The following PAX2 variants were observed in gnomAD, a reference collection of about 807,000 sequenced individuals.
PAX2 encodes paired box protein Pax-2.
PAX2 carries 9 observed loss-of-function variants against 41.7 expected under a neutral mutation model. The ratio of observed to expected loss-of-function variants is 0.22; its 90% CI spans 0.13 to 0.38. The LOEUF is 0.38. Ranked by LOEUF, PAX2 falls within the 10% of genes least tolerant of loss-of-function variation. The pLI is 1.00. For missense variants in PAX2, 418 were observed against 531.6 expected (o/e 0.79, Z 2.10); for synonymous variants, 221 against 212.7 (o/e 1.04, Z -0.34).
Position 100,749,834 on chromosome 10 carries a change from G to C in PAX2, c.132G>C (p.Leu44=), listed in dbSNP as rs1845369396. ...TGGTGAGGCAGCGCATCGTGGAGCT[G>C]GCCCACCAGGGTGTGCGGCCCTGTG... ...PDVVRQRIVE[L]AHQGVRPCDI... The change falls in exon 2 of 10, where the codon CTG becomes CTC. Residue 44 remains leucine (L), a synonymous_variant. Transcript: ENST00000355243. The C allele has an allele frequency of 1.2e-6, 2 of 1,611,754 alleles. No homozygotes were observed. The highest frequency in any genetic ancestry group is 4.5e-5 in the East Asian group (2 of 44,840).
chr10:100,795,404 T>A (rs1847285725), intron 5 of PAX2, among the ~76,000 whole-genome samples: 1 of 152,146 alleles, frequency 6.6e-6, no homozygotes, highest in Non-Finnish European at 1.5e-5. Flanking sequence ...CATGAAGTCA[T>A]ATGATGAACG....
intron 3 of PAX2, among the ~76,000 whole-genome samples, chr10:100,751,491 G>A (rs1466098297): frequency 6.6e-6 from 1 of 152,224 alleles, no homozygotes; most frequent in Non-Finnish European, 1.5e-5. Flanking sequence ...GGAGTGCCAA[G>A]CAGGGAGGGA....
At chr10:100,747,938 T>A in intron 1 of PAX2, 4 of 970,762 alleles carry the variant, frequency 4.1e-6, no homozygotes, top group South Asian at 4.9e-5. Flanking sequence ...GGGCAGCCAC[T>A]TTGAAACCCA....
intron 3 of PAX2, among the ~76,000 whole-genome samples, chr10:100,769,677 T>TAAAA (rs1424077909): frequency 7.4e-6 from 1 of 135,504 alleles, no homozygotes; most frequent in Admixed American, 7.4e-5. Flanking sequence ...AATAAAAAAA[T>TAAAA]AAAAAACAAA....
rs750862671 is a variant in PAX2, at chr10:100,828,672, T to C, written c.*1053T>C. The stretch of plus-strand genomic sequence containing the variant: ...TCAATCTGCCGGTGGTAAGAACCGG[T>C]TCTGAGCTGGCGTCTGAGCTGCTGC... On this transcript the variant is annotated 3_prime_UTR_variant, in exon 10 of 10. Coordinates refer to ENST00000355243, the MANE Select transcript of PAX2 (RefSeq NM_000278.5). The surrounding 1 kb of genome is among the most constrained non-coding windows in gnomAD (Gnocchi z 6.5). 4.7e-5 allele frequency: 11 copies of C among 233,290 alleles called. No individual in the cohort carries two copies. Among genetic ancestry groups the C allele is most frequent in the Non-Finnish European group, 7.6e-5 (9 of 118,098 alleles). The allele number at this position is 233,290 out of a possible 1,614,324, so 14.5% of individuals were successfully genotyped here. A position where few individuals can be genotyped will look rare whatever the true frequency, so the allele number is the denominator to read the frequency against.
At chr10:100,742,738 G>A (rs1363305151), upstream of PAX2, among the ~76,000 whole-genome samples, 1 of 151,938 alleles carries the variant, frequency 6.6e-6, no homozygotes, top group Non-Finnish European at 1.5e-5. Context: ...ATTTAGAGGC[G>A]GACGGGAAAA....
intron 7 of PAX2, among the ~76,000 whole-genome samples, chr10:100,813,595 C>G (rs1240188155): frequency 6.6e-6 from 1 of 152,042 alleles, no homozygotes; most frequent in Non-Finnish European, 1.5e-5. Context: ...CCACACTGTC[C>G]GTGAAAGGCA....
At chr10:100,813,763 A>G (rs1156950188) in intron 7 of PAX2, among the ~76,000 whole-genome samples, 1 of 152,172 alleles carries the variant, frequency 6.6e-6, no homozygotes, top group Non-Finnish European at 1.5e-5. Flanking sequence ...CTTACATAAA[A>G]ATTTGTACAG....
chr10:100,756,313 G>A (rs112292259), intron 3 of PAX2, among the ~76,000 whole-genome samples: 2,656 of 152,258 alleles, frequency 0.017, 41 homozygotes, highest in Non-Finnish European at 0.028. Flanking sequence ...TCCAACAATA[G>A]CTACTCTGCA....
rs779199563 is a variant in PAX2 at position 100,781,385 on chromosome 10, T to C, written c.616+20T>C. The C allele has an allele frequency of 6.2e-6, 10 of 1,612,808 alleles. No individual in the cohort carries two copies. In the East Asian group the frequency reaches 1.8e-4, roughly 29 times the overall value. ...ATGAAGGTAGGGAGGAGGGAAGAGG[T>C]GTGGCTTCCCCTTCACATGCTTTGT... On this transcript the variant is annotated intron_variant, in intron 5 of 9. Transcript: ENST00000355243.
chr10:100,801,981 A>G (rs1339844559), intron 5 of PAX2, among the ~76,000 whole-genome samples: 1 of 152,226 alleles, frequency 6.6e-6, no homozygotes, highest in Non-Finnish European at 1.5e-5. Flanking sequence ...GAAGGATTAA[A>G]TGAGCTCTGT....
chr10:100,821,009 A>T (rs1445157186), intron 7 of PAX2, among the ~76,000 whole-genome samples: 1 of 152,096 alleles, frequency 6.6e-6, no homozygotes, highest in Non-Finnish European at 1.5e-5. Flanking sequence ...GTCTGTCTGC[A>T]CTCATGTTTT....
At chr10:100,778,233 C>G (rs1846471658) in intron 3 of PAX2, among the ~76,000 whole-genome samples, 1 of 152,222 alleles carries the variant, frequency 6.6e-6, no homozygotes, top group Non-Finnish European at 1.5e-5. Flanking sequence ...TTCCGCCATC[C>G]TCTGTGCCTC....
intron 1 of PAX2, chr10:100,749,282 G>A: frequency 2.0e-6 from 2 of 996,590 alleles, no homozygotes; most frequent in Non-Finnish European, 2.4e-6. Flanking sequence ...GAGCCTCGAC[G>A]CCCCCAAATC....
intron 5 of PAX2, among the ~76,000 whole-genome samples, chr10:100,804,814 C>G (rs1362942564): frequency 6.6e-6 from 1 of 152,182 alleles, no homozygotes; most frequent in African/African-American, 2.4e-5. Context: ...TGCATACATC[C>G]CGTAAGACTG....
rs1847720204 is a variant in PAX2 at position 100,805,023 on chromosome 10, T to TCTCTCTCTCTCTCTC, written c.617-1407_617-1406insCTCTCTCTCTCTCTC. Among the ~76,000 whole-genome samples, 46 of 95,018 alleles carry TCTCTCTCTCTCTCTC rather than the reference T, an allele frequency of 4.8e-4. 1 individual carries two copies. Among genetic ancestry groups the TCTCTCTCTCTCTCTC allele is most frequent in the African/African-American group, 1.9e-3 (43 of 22,356 alleles). The allele number at this position is 95,018 out of a possible 152,430, so 62.3% of individuals were successfully genotyped here. ...CTTCTCTCTCTCTCTCTCTCTCACA[T>TCTCTCTCTCTCTCTC]ACACACACACACACACACACACACA... On this transcript the variant is annotated intron_variant, in intron 5 of 9. Transcript: ENST00000355243.
intron 3 of PAX2, among the ~76,000 whole-genome samples, chr10:100,769,262 A>T (rs562836262): frequency 3.3e-5 from 5 of 152,244 alleles, no homozygotes; most frequent in Non-Finnish European, 7.3e-5. Context: ...AATAATCCAT[A>T]TAAAGTGCTT....
chr10:100,766,029 C>A (rs1296490776), intron 3 of PAX2, among the ~76,000 whole-genome samples: 2 of 152,154 alleles, frequency 1.3e-5, no homozygotes, highest in Non-Finnish European at 2.9e-5. Flanking sequence ...TCCTAAACAA[C>A]CCCATAGGGC....
Position 100,826,804 on chromosome 10 carries a change from T to A in PAX2, c.1022-205T>A, listed in dbSNP as rs982095071. 7.2e-5 allele frequency among the ~76,000 whole-genome samples: 11 copies of A among 152,284 alleles called. No homozygotes were observed. Among genetic ancestry groups the A allele is most frequent in the African/African-American group, 2.4e-4 (10 of 41,576 alleles). On this transcript the variant is annotated intron_variant, in intron 8 of 9. Coordinates refer to ENST00000355243, the MANE Select transcript of PAX2 (RefSeq NM_000278.5). The surrounding 1 kb of genome is among the most constrained non-coding windows in gnomAD (Gnocchi z 5.5). Reference sequence around the variant, plus strand: ...GCCCGTGGGTGTGCGAGCGCGTCGGTGCCTCCCGCCTCCCCGGGCTCTCTC... The same window carrying A: ...GCCCGTGGGTGTGCGAGCGCGTCGGAGCCTCCCGCCTCCCCGGGCTCTCTC...
Sources: allele counts gnomAD v4.1 joint callset (sites outside exome capture counted in the v4.1 genomes callset), GRCh38; gene constraint gnomAD v4.1.1; non-coding constraint Gnocchi (gnomAD v3.1); transcripts MANE v1.5; gene names NCBI Gene and HGNC (gene_info 2026-07-23, HGNC 2026-07-21).